Variants in NYAP2 observed in about 807,000 individuals in gnomAD.
NYAP2 encodes neuronal tyrosine-phosphorylated phosphoinositide-3-kinase adaptor 2.
Under a neutral mutation model 50.4 loss-of-function variants are expected in NYAP2, and 23 were observed. The ratio of observed to expected loss-of-function variants is 0.46; its 90% CI spans 0.33 to 0.65. The LOEUF is 0.65. Ranked by LOEUF, NYAP2 falls within the 30% of genes least tolerant of loss-of-function variation. NYAP2 has a pLI of 0.02. For missense variants in NYAP2, 885 were observed against 861.0 expected, an observed-to-expected ratio of 1.03 and a Z score of -0.35; for synonymous variants, 394 against 365.2, an observed-to-expected ratio of 1.08 and a Z score of -0.90.
intron 5 of NYAP2, among the ~76,000 whole-genome samples, chr2:225,620,202 A>C (rs1693065805): frequency 6.6e-6 from 1 of 152,374 alleles, no homozygotes; most frequent in East Asian, 1.9e-4. Context: ...TTTTCCTCTG[A>C]ATACGTTTCC....
intron 6 of NYAP2, among the ~76,000 whole-genome samples, chr2:225,635,144 C>T (rs1693390240): frequency 6.6e-6 from 1 of 152,194 alleles, no homozygotes; most frequent in Admixed American, 6.5e-5. Context: ...CTCCCATGCA[C>T]ACAAGTTTGG....
At chr2:225,499,625 A>G (rs1461109187) in intron 3 of NYAP2, among the ~76,000 whole-genome samples, 1 of 152,148 alleles carries the variant, frequency 6.6e-6, no homozygotes, top group East Asian at 1.9e-4. Context: ...AAACCATTTC[A>G]GTAGACTCTG....
intron 4 of NYAP2, among the ~76,000 whole-genome samples, chr2:225,553,647 C>T (rs1691721120): frequency 6.6e-6 from 1 of 152,184 alleles, no homozygotes; most frequent in South Asian, 2.1e-4. Context: ...TTTTCATGAA[C>T]ATAACCACTG....
intron 3 of NYAP2, among the ~76,000 whole-genome samples, chr2:225,410,871 AC>A (rs1325665951): frequency 6.6e-6 from 1 of 152,166 alleles, no homozygotes; most frequent in Non-Finnish European, 1.5e-5. Flanking sequence ...ATTTAGGTAG[AC>A]GGAGACACAG....
In NYAP2 at chr2:225,581,253, GAC is replaced by G. The variant is rs376760620; in HGVS notation, c.524-686_524-685del. On this transcript the variant is annotated intron_variant, in intron 4 of 6. Transcript: ENST00000636099. Reference sequence around the variant, plus strand: ...AACATATCTAATAAATTCATTCTGAGACAGCATTTGGAATATCATAAGAGATC... The same window carrying G: ...AACATATCTAATAAATTCATTCTGAGAGCATTTGGAATATCATAAGAGATC... Among the ~76,000 whole-genome samples the G allele has an allele frequency of 5.2e-4, 79 of 152,246 alleles. No individual in the cohort carries two copies. The East Asian group carries it at 0.012, about 22-fold the overall frequency.
intron 3 of NYAP2, among the ~76,000 whole-genome samples, chr2:225,432,850 A>G (rs1022363697): frequency 5.3e-5 from 8 of 152,144 alleles, no homozygotes; most frequent in Non-Finnish European, 1.0e-4. Context: ...TGATCTAAAA[A>G]GGCTGCTCCA....
chr2:225,519,265 AT>A (rs1691002138), intron 4 of NYAP2, among the ~76,000 whole-genome samples: 1 of 151,370 alleles, frequency 6.6e-6, no homozygotes, highest in Non-Finnish European at 1.5e-5. Flanking sequence ...TTTATTTTTT[AT>A]TTTTTATTTT....
At chr2:225,612,775 T>C (rs1692915543) in intron 5 of NYAP2, among the ~76,000 whole-genome samples, 1 of 42,590 alleles carries the variant, frequency 2.3e-5, no homozygotes, top group Admixed American at 4.2e-4. Flanking sequence ...AACCTAATTA[T>C]CTACCAGAAG....
chr2:225,667,089 TA>T, the NYAP2 span, among the ~76,000 whole-genome samples: 1 of 152,076 alleles, frequency 6.6e-6, no homozygotes. Context: ...TTGTGCAAGC[TA>T]AAAAAATCAG....
At chr2:225,656,821 C>T (rs1693836235), downstream of NYAP2, among the ~76,000 whole-genome samples, 1 of 151,954 alleles carries the variant, frequency 6.6e-6, no homozygotes, top group African/African-American at 2.4e-5. Context: ...AAAGTGAGGC[C>T]CTCAGTCATC....
intron 5 of NYAP2, among the ~76,000 whole-genome samples, chr2:225,613,885 G>A (rs1197965489): frequency 6.6e-6 from 1 of 152,124 alleles, no homozygotes; most frequent in African/African-American, 2.4e-5. Flanking sequence ...TTTAATTGAA[G>A]ACTACAATAA....
intron 5 of NYAP2, among the ~76,000 whole-genome samples, chr2:225,603,832 C>T (rs1483155070): frequency 6.6e-6 from 1 of 152,136 alleles, no homozygotes; most frequent in Non-Finnish European, 1.5e-5. Context: ...TTCTCCTATT[C>T]CTTCTCTTTT....
the NYAP2 span, among the ~76,000 whole-genome samples, chr2:225,681,099 G>A: frequency 6.6e-6 from 1 of 152,148 alleles, no homozygotes; most frequent in Non-Finnish European, 1.5e-5. Context: ...CTTAAAAAAT[G>A]TTTCTTAATC....
At chr2:225,661,283 T>A in the NYAP2 span, among the ~76,000 whole-genome samples, 1 of 152,194 alleles carries the variant, frequency 6.6e-6, no homozygotes. Context: ...TTCAGAATAA[T>A]AAATATGTCT....
chr2:225,498,980 A>G (rs1255221442), intron 3 of NYAP2, among the ~76,000 whole-genome samples: 1 of 152,190 alleles, frequency 6.6e-6, no homozygotes, highest in East Asian at 1.9e-4. Flanking sequence ...GCAGGTAACC[A>G]TGGAATATTA....
At chr2:225,607,448 C>T (rs1478358803) in intron 5 of NYAP2, among the ~76,000 whole-genome samples, 1 of 152,072 alleles carries the variant, frequency 6.6e-6, no homozygotes, top group Non-Finnish European at 1.5e-5. Context: ...TCTTCAAGAA[C>T]ATTCTTTTTT....
chr2:225,677,141 G>A, the NYAP2 span, among the ~76,000 whole-genome samples: 22 of 151,942 alleles, frequency 1.4e-4, no homozygotes, highest in Non-Finnish European at 2.9e-4. Context: ...TTGGTTAGAT[G>A]GATTTCTATG....
chr2:225,656,630 G>C (rs775094242), downstream of NYAP2, among the ~76,000 whole-genome samples: 18 of 152,124 alleles, frequency 1.2e-4, no homozygotes, highest in Non-Finnish European at 2.2e-4. Flanking sequence ...TGCATATCTA[G>C]AGTGTATTTC....
intron 3 of NYAP2, among the ~76,000 whole-genome samples, chr2:225,501,584 G>A (rs375283130): frequency 1.3e-5 from 2 of 152,254 alleles, no homozygotes; most frequent in East Asian, 1.9e-4. Flanking sequence ...CAAATTGGCC[G>A]TTGGGATATC....
Sources: allele counts gnomAD v4.1 joint callset (sites outside exome capture counted in the v4.1 genomes callset), GRCh38; gene constraint gnomAD v4.1.1; transcripts MANE v1.5; gene names NCBI Gene and HGNC (gene_info 2026-07-23, HGNC 2026-07-21).